Variants in MFSD12 observed in about 807,000 individuals in gnomAD.
MFSD12 encodes major facilitator superfamily domain-containing protein 12.
A neutral mutation model predicts 51.2 loss-of-function variants in MFSD12; 67 were observed. That is an observed-to-expected ratio of 1.31 (90% CI 1.08 to 1.60). The LOEUF (loss-of-function observed/expected upper bound fraction) is 1.60, where lower values mean the gene tolerates loss of function less well. Among genes scored for constraint, MFSD12 ranks in the 40% most tolerant of loss-of-function variants. MFSD12 has a pLI of 0.00. For missense variants in MFSD12, 921 were observed against 673.0 expected, an observed-to-expected ratio of 1.37 and a Z score of -4.08; for synonymous variants, 441 against 316.7, an observed-to-expected ratio of 1.39 and a Z score of -4.17.
rs777753032 is a variant in MFSD12 at position 3,546,123 on chromosome 19, C to A, written c.1240G>T (p.Val414Leu). The A allele has an allele frequency of 3.1e-6, 5 of 1,613,246 alleles. No homozygotes were observed. The African/African-American group carries it at 6.7e-5, about 22-fold the overall frequency. Reference protein sequence around the residue: ...VYGSMSFLDKVANGLAVMAIQ... With the variant: ...VYGSMSFLDKLANGLAVMAIQ... The stretch of plus-strand genomic sequence containing the variant: ...GCCATGACTGCCAGCCCATTGGCCA[C>A]CTTATCCAAGAAGCTCATGGAGCCG... Residue 414 changes from valine (V) to leucine (L), a missense_variant, in exon 8 of 10, where the codon GTG (valine) becomes TTG (leucine). Val to Leu is a conservative substitution (Grantham distance 32, BLOSUM62 1). Transcript: ENST00000355415.
Position 3,557,325 on chromosome 19 carries a change from C to A in MFSD12, c.79G>T (p.Val27Leu), listed in dbSNP as rs1044768569. The A allele has an allele frequency of 1.2e-5, 19 of 1,568,910 alleles. No homozygotes were observed. The highest frequency in any genetic ancestry group is 1.6e-5 in the Non-Finnish European group (18 of 1,160,270). ...LSLVARLSYA[V>L]GHFLNDLCAS... Reference sequence around the variant, plus strand: ...CACAGGTCGTTGAGGAAGTGGCCCACGGCGTAGCTCAGCCGCGCCACCAGG... The same window carrying A: ...CACAGGTCGTTGAGGAAGTGGCCCAAGGCGTAGCTCAGCCGCGCCACCAGG... Residue 27 changes from valine to leucine, a missense_variant, in exon 1 of 10, where the codon GTG becomes TTG. Transcript: ENST00000355415.
At chr19:3,552,466 CCTTTT>C (rs1568261752) in intron 1 of MFSD12, among the ~76,000 whole-genome samples, 2 of 112,310 alleles carry the variant, frequency 1.8e-5, no homozygotes, top group African/African-American at 3.7e-5. Flanking sequence ...CCGCGCCCCG[CCTTTT>C]TTTTTTTTTT....
At chr19:3,547,173 G>T in intron 6 of MFSD12, 99 bp downstream of exon 6, 2 of 1,069,864 alleles carry the variant, frequency 1.9e-6, no homozygotes, top group Non-Finnish European at 2.9e-6. Context: ...GAACTCGGAG[G>T]CCTGAGAGCA....
downstream of MFSD12, chr19:3,541,535 C>T (rs564818591): frequency 3.1e-5 from 10 of 318,550 alleles, 1 homozygote; most frequent in Admixed American, 7.1e-5. Context: ...GTTGGCCAGG[C>T]TGGTCTCAAA....
At chr19:3,542,400 A>C (rs769240745), downstream of MFSD12, 424 of 985,278 alleles carry the variant, frequency 4.3e-4, no homozygotes, top group Non-Finnish European at 4.9e-4. Flanking sequence ...GGGGCCAGCA[A>C]CCTTGTTTTC....
chr19:3,542,577 G>A (rs892923891), downstream of MFSD12: 7 of 776,290 alleles, frequency 9.0e-6, no homozygotes, highest in South Asian at 5.9e-5. Flanking sequence ...GGGTTCAAGC[G>A]ATTCTCCTGC....
At chr19:3,548,392 ACAC>A in intron 2 of MFSD12, 125 bp from the exon 3 acceptor site, 1 of 1,306,882 alleles carries the variant, frequency 7.7e-7, no homozygotes, top group Non-Finnish European at 1.0e-6. Flanking sequence ...AACCACTGCC[ACAC>A]TGGGTGGCCT....
Position 3,546,285 on chromosome 19 carries a change from G to A in MFSD12, c.1164C>T (p.Ala388=), listed in dbSNP as rs750028413. The A allele has an allele frequency of 3.1e-6, 5 of 1,610,468 alleles. 1 individual carries two copies. The South Asian group carries it at 5.5e-5, about 18-fold the overall frequency. The change falls in exon 7 of 10, where the codon GCC becomes GCT. Residue 388 remains alanine (A), a synonymous_variant. Transcript: ENST00000355415. ...GGGGACCGATGAGGTCGGCCGTCAT[G>A]GCCAGCGAGGTGACGAGGATGGTGG... The part of the protein sequence containing the change: ...GCATILVTSL[A]MTADLIGPHT...
downstream of MFSD12, among the ~76,000 whole-genome samples, chr19:3,540,572 AT>A (rs1474209996): frequency 1.3e-5 from 2 of 151,754 alleles, no homozygotes; most frequent in Non-Finnish European, 2.9e-5. Context: ...CCCCATCTCT[AT>A]AAAAAATTTA....
rs905266715 is a variant in MFSD12 at position 3,547,983 on chromosome 19, T to A, written c.702A>T (p.Leu234=). 6.3e-7 allele frequency: 1 copy of A among 1,598,808 alleles called. No homozygotes were observed. The highest frequency in any genetic ancestry group is 2.2e-5 in the East Asian group (1 of 44,754). ...VVGVGAVFSL[L]FHLGTRERRR... ...GCCTCTCCCGGGTGCCCAGGTGGAA[T>A]AGCAGTGAGAACACGGCGCCGACAC... The change falls in exon 4 of 10, where the codon CTA becomes CTT. Residue 234 remains leucine (L), a synonymous_variant. Transcript: ENST00000355415.
At chr19:3,543,601 C>T, downstream of MFSD12, 1 of 1,544,766 alleles carries the variant, frequency 6.5e-7, no homozygotes, top group Non-Finnish European at 8.7e-7. Flanking sequence ...ACCCCATCGT[C>T]CCTGCCCAGT....
chr19:3,546,428 G>A lies in MFSD12; in HGVS notation c.1024-3C>T, dbSNP rs576212269. 81 of 1,602,004 alleles carry A rather than the reference G, an allele frequency of 5.1e-5. No homozygotes were observed. Among genetic ancestry groups the A allele is most frequent in the Middle Eastern group, 1.8e-4 (1 of 5,706 alleles). ...AGGAGGCCTGAGAAGTAGGTCATCT[G>A]CAGGGACAGCCCCGGGGTCAGGCCC... On this transcript the variant is annotated splice_region_variant and splice_polypyrimidine_tract_variant and intron_variant, in intron 6 of 9. Coordinates refer to ENST00000355415, the MANE Select transcript of MFSD12 (RefSeq NM_174983.5).
chr19:3,556,703 G>A (rs1382983129), intron 1 of MFSD12, among the ~76,000 whole-genome samples: 3 of 151,896 alleles, frequency 2.0e-5, no homozygotes, highest in Non-Finnish European at 2.9e-5. Context: ...TCAGACAGAC[G>A]GGGGAGGCTC....
chr19:3,545,944 G>T, intron 8 of MFSD12, 130 bp downstream of exon 8: 1 of 880,372 alleles, frequency 1.1e-6, no homozygotes, highest in Non-Finnish European at 1.8e-6. Context: ...CCCTGCCTAT[G>T]ACTCCCATTG....
rs2030791122 is a variant in MFSD12, at chr19:3,544,653, G to A, written c.*57C>T. The A allele has an allele frequency of 1.3e-6, 2 of 1,547,734 alleles. No individual in the cohort carries two copies. The highest frequency in any genetic ancestry group is 1.8e-6 in the Non-Finnish European group (2 of 1,142,234). On this transcript the variant is annotated 3_prime_UTR_variant, in exon 10 of 10. Transcript: ENST00000355415. Reference sequence around the variant, plus strand: ...GGGGGCTTTTCCCCAAGGCCCTGGGGGGCATCCTCGTGCGTCCCCACAGTT... The same window carrying A: ...GGGGGCTTTTCCCCAAGGCCCTGGGAGGCATCCTCGTGCGTCCCCACAGTT...
At chr19:3,543,888 TCC>T (rs1012555605), downstream of MFSD12, 9 of 1,550,524 alleles carry the variant, frequency 5.8e-6, no homozygotes, top group Non-Finnish European at 7.8e-6. Context: ...CTACGTGCCC[TCC>T]CTGTCGGCAC....
At chr19:3,553,473 G>A (rs376686490) in intron 1 of MFSD12, among the ~76,000 whole-genome samples, 24 of 140,674 alleles carry the variant, frequency 1.7e-4, no homozygotes, top group South Asian at 4.5e-4. Flanking sequence ...ACCCTGTCAA[G>A]AAAAAAAAAA....
At chr19:3,539,083 T>G (rs1276397459) in intron 4 of MFSD12, 5 of 740,540 alleles carry the variant, frequency 6.8e-6, no homozygotes, top group Non-Finnish European at 1.2e-5. Flanking sequence ...GAGGAGGGAG[T>G]GGTCAGCGTG....
Position 3,544,432 on chromosome 19 carries a change from T to G in MFSD12, c.*278A>C. The G allele has an allele frequency of 7.5e-7, 1 of 1,334,858 alleles. No homozygotes were observed. Among genetic ancestry groups the G allele is most frequent in the Non-Finnish European group, 9.6e-7 (1 of 1,044,870 alleles). The allele number at this position is 1,334,858 out of a possible 1,614,324, so 82.7% of individuals were successfully genotyped here. A position where few individuals can be genotyped will look rare whatever the true frequency, so the allele number is the denominator to read the frequency against. ...CCCAGACCCTTCTGGGATTCCTACT[T>G]CCTGTTCCCTGCCGAGAGGGGCACC... On this transcript the variant is annotated 3_prime_UTR_variant, in exon 10 of 10. Coordinates refer to ENST00000355415, the MANE Select transcript of MFSD12 (RefSeq NM_174983.5).
Sources: gnomAD v4.1 joint callset for allele counts (sites outside exome capture counted in the v4.1 genomes callset) on GRCh38, gnomAD v4.1.1 for gene constraint, MANE v1.5 for transcripts, NCBI Gene and HGNC (gene_info 2026-07-23, HGNC 2026-07-21) for gene names.